Variants in MEGF10 observed in about 807,000 individuals in gnomAD.
MEGF10 encodes multiple epidermal growth factor-like domains protein 10.
Under a neutral mutation model 147.5 loss-of-function variants are expected in MEGF10, and 86 were observed. The observed-to-expected ratio is 0.58, with a 90% CI of 0.49 to 0.70. The LOEUF is 0.70. Ranked by LOEUF, MEGF10 falls within the 30% of genes least tolerant of loss-of-function variation. The pLI is 0.00. For synonymous variants in MEGF10, 478 were observed against 525.5 expected, an observed-to-expected ratio of 0.91 and a Z score of 1.24; for missense variants, 1,329 against 1,487.3, an observed-to-expected ratio of 0.89 and a Z score of 1.75.
intron 13 of MEGF10, among the ~76,000 whole-genome samples, chr5:127,425,336 G>A (rs1054145111): frequency 6.6e-6 from 1 of 152,110 alleles, no homozygotes; most frequent in Non-Finnish European, 1.5e-5. Flanking sequence ...TTCTCTAAAC[G>A]GGAAGACTAC....
At chr5:127,301,390 A>AT (rs368020611) in intron 1 of MEGF10, among the ~76,000 whole-genome samples, 3,056 of 149,844 alleles carry the variant, frequency 0.02, 83 homozygotes, top group African/African-American at 0.06. Context: ...AAATAGGAGC[A>AT]TTTTTTTTTT....
At chr5:127,339,815 T>A (rs569330639) in intron 3 of MEGF10, among the ~76,000 whole-genome samples, 4 of 152,296 alleles carry the variant, frequency 2.6e-5, no homozygotes, top group African/African-American at 9.6e-5. Flanking sequence ...CTCAATGTCA[T>A]TTCTTCACAC....
intron 4 of MEGF10, among the ~76,000 whole-genome samples, chr5:127,346,462 T>G (rs186947119): frequency 1.4e-4 from 21 of 152,352 alleles, no homozygotes; most frequent in Non-Finnish European, 1.5e-5. Context: ...TCATTAGTGC[T>G]GTTGAGCATT....
At chr5:127,419,636 A>G (rs1243832427) in intron 11 of MEGF10, among the ~76,000 whole-genome samples, 2 of 152,196 alleles carry the variant, frequency 1.3e-5, no homozygotes, top group African/African-American at 2.4e-5. Flanking sequence ...GTTGCTGGTT[A>G]ATGGGGTCCT....
At chr5:127,386,993 A>G (rs565901332) in intron 5 of MEGF10, among the ~76,000 whole-genome samples, 16 of 152,354 alleles carry the variant, frequency 1.1e-4, no homozygotes, top group Non-Finnish European at 1.3e-4. Flanking sequence ...TGAATTGGCC[A>G]TGGGCTAGCT....
intron 13 of MEGF10, among the ~76,000 whole-genome samples, chr5:127,426,847 G>A (rs1765223444): frequency 6.6e-6 from 1 of 152,176 alleles, no homozygotes; most frequent in South Asian, 2.1e-4. Context: ...CATTCCAGCT[G>A]ACTGGGAACA....
At chr5:127,241,193 T>C in the MEGF10 span, among the ~76,000 whole-genome samples, 3 of 152,194 alleles carry the variant, frequency 2.0e-5, no homozygotes, top group Non-Finnish European at 4.4e-5. Flanking sequence ...ATTATTTCAG[T>C]TGCAAGTGAC....
At chr5:127,307,427 T>C (rs568518255) in intron 1 of MEGF10, among the ~76,000 whole-genome samples, 1 of 152,298 alleles carries the variant, frequency 6.6e-6, no homozygotes, top group East Asian at 1.9e-4. Context: ...CTGGGCTAGA[T>C]GTTTTGCCTG....
chr5:127,392,061 T>A (rs548476551), intron 5 of MEGF10, among the ~76,000 whole-genome samples: 45 of 152,302 alleles, frequency 3.0e-4, no homozygotes, highest in African/African-American at 1.0e-3. Context: ...GGAAAATAGA[T>A]AATGCCATTT....
chr5:127,443,278 T>C, intron 19 of MEGF10, 152 bp downstream of exon 19: 1 of 846,574 alleles, frequency 1.2e-6, no homozygotes, highest in East Asian at 3.5e-5. Flanking sequence ...GCCAGATGAA[T>C]GCCTTATTGT....
At chr5:127,258,199 G>C in the MEGF10 span, among the ~76,000 whole-genome samples, 2 of 152,142 alleles carry the variant, frequency 1.3e-5, no homozygotes, top group African/African-American at 4.8e-5. Flanking sequence ...TCAGAATTGA[G>C]ACCAAGTGAC....
chr5:127,440,617 C>G (rs180944552), intron 17 of MEGF10, 122 bp from the exon 18 acceptor site: 42 of 993,562 alleles, frequency 4.2e-5, no homozygotes, highest in Admixed American at 1.0e-4. Flanking sequence ...ATGTACTATT[C>G]ACTGTATTCT....
intron 4 of MEGF10, among the ~76,000 whole-genome samples, chr5:127,363,563 A>G (rs1361450608): frequency 3.3e-5 from 5 of 152,182 alleles, no homozygotes; most frequent in African/African-American, 1.2e-4. Context: ...ATCTAGAAAG[A>G]GGGACAATAA....
chr5:127,399,087 T>G (rs1481790236), intron 7 of MEGF10, among the ~76,000 whole-genome samples: 1 of 152,200 alleles, frequency 6.6e-6, no homozygotes, highest in Admixed American at 6.5e-5. Context: ...GACAAATATC[T>G]AGTCTCACAT....
At chr5:127,324,148 C>T (rs970663619) in intron 1 of MEGF10, among the ~76,000 whole-genome samples, 6 of 151,130 alleles carry the variant, frequency 4.0e-5, no homozygotes, top group Admixed American at 1.3e-4. Flanking sequence ...GCTGTAGCAG[C>T]GTTGAAAAAA....
In MEGF10 at chr5:127,457,454, T is replaced by A; in HGVS notation, c.*136T>A. The stretch of plus-strand genomic sequence containing the variant: ...AATTTTTGGACATGAACCAGAAAGC[T>A]GAAAGCTGAGGCTGACACGGACTGT... On this transcript the variant is annotated 3_prime_UTR_variant, in exon 25 of 25. Coordinates refer to ENST00000503335, the MANE Select transcript of MEGF10 (RefSeq NM_001256545.2). The A allele has an allele frequency of 1.0e-6, 1 of 953,296 alleles. No homozygotes were observed. The highest frequency in any genetic ancestry group is 1.5e-6 in the Non-Finnish European group (1 of 657,826). 59.1% of individuals were successfully genotyped at this position (953,296 alleles called of 1,614,324 possible). A position where few individuals can be genotyped will look rare whatever the true frequency, so the allele number is the denominator to read the frequency against.
Position 127,404,601 on chromosome 5 carries a change from G to A in MEGF10, c.917+1919G>A, listed in dbSNP as rs188745505. On this transcript the variant is annotated intron_variant, in intron 8 of 24. Coordinates refer to ENST00000503335, the MANE Select transcript of MEGF10 (RefSeq NM_001256545.2). ...AATCTGTCATGTCCTGGAAGACTAG[G>A]TAGCCAGGCTCACTGGATGTGTGTG... 1.5e-3 allele frequency among the ~76,000 whole-genome samples: 232 copies of A among 152,250 alleles called. No homozygotes were observed. In the Middle Eastern group the frequency reaches 0.017, roughly 11 times the overall value.
rs1054828040 is a variant in MEGF10 at position 127,411,638 on chromosome 5, A to C, written c.1130+1037A>C. Among the ~76,000 whole-genome samples, 31 of 152,234 alleles carry C rather than the reference A, an allele frequency of 2.0e-4. 1 individual carries two copies. The highest frequency in any genetic ancestry group is 1.5e-5 in the Non-Finnish European group (1 of 68,044). On this transcript the variant is annotated intron_variant, in intron 9 of 24. Coordinates refer to ENST00000503335, the MANE Select transcript of MEGF10 (RefSeq NM_001256545.2). ...AAGAAGTGTATTCTCAATATGATTC[A>C]AGTAACTTTGTAAGCCATATTAGTC...
rs140900842 is a variant in MEGF10, at chr5:127,434,125, A to G, written c.1841-562A>G. Among the ~76,000 whole-genome samples the G allele has an allele frequency of 4.9e-3, 745 of 152,328 alleles. 9 individuals are homozygous for G. In the Middle Eastern group the frequency reaches 0.058, roughly 12 times the overall value. On this transcript the variant is annotated intron_variant, in intron 14 of 24. Transcript: ENST00000503335. ...TTGCCTTTCCCCCCATAAGAATTCT[A>G]TGCAGTTATCATATATTTAAATCTG...
Sources: allele counts gnomAD v4.1 joint callset (sites outside exome capture counted in the v4.1 genomes callset), GRCh38; gene constraint gnomAD v4.1.1; transcripts MANE v1.5; gene names NCBI Gene and HGNC (gene_info 2026-07-23, HGNC 2026-07-21).